The following C2orf92 variants were observed in gnomAD, a reference collection of about 807,000 sequenced individuals.
C2orf92 encodes uncharacterized protein C2orf92.
At chr2:97,666,952 C>G (rs1021076866), upstream of C2orf92, 1 of 152,238 alleles carries the variant, frequency 6.6e-6, no homozygotes, top group Admixed American at 6.6e-5. Flanking sequence ...AGCTCCTACC[C>G]CTTGGTCTCT....
intron 3 of C2orf92, among the ~76,000 whole-genome samples, chr2:97,683,115 A>ACACACACACACACAC (rs1185190319): frequency 1.4e-5 from 1 of 70,918 alleles, no homozygotes; most frequent in Non-Finnish European, 3.3e-5. Context: ...CACACACACA[A>ACACACACACACACAC]ACATATTAAA....
At chr2:97,682,680 A>G (rs1012315404) in intron 3 of C2orf92, among the ~76,000 whole-genome samples, 2 of 152,164 alleles carry the variant, frequency 1.3e-5, no homozygotes, top group Non-Finnish European at 2.9e-5. Context: ...TCACTGTAAT[A>G]TACCACATTA....
intron 7 of C2orf92, among the ~76,000 whole-genome samples, 190 bp downstream of exon 7, chr2:97,701,494 G>C (rs939806623): frequency 4.5e-4 from 68 of 152,180 alleles, no homozygotes; most frequent in African/African-American, 1.6e-3. Flanking sequence ...GCACAGCCTG[G>C]GTGATTCTGA....
At chr2:97,666,552 A>T (rs1216884643), upstream of C2orf92, among the ~76,000 whole-genome samples, 9 of 128,286 alleles carry the variant, frequency 7.0e-5, no homozygotes, top group Non-Finnish European at 1.3e-4. Context: ...AAAAAAAAAG[A>T]TGGGGTTGAG....
At chr2:97,701,133 G>A in intron 6 of C2orf92, 21 bp from the exon 7 acceptor site, 1 of 398,820 alleles carries the variant, frequency 2.5e-6, no homozygotes, top group Non-Finnish European at 4.4e-6. Context: ...TGTTCACTCT[G>A]CGCTGTGTCT....
intron 2 of C2orf92, among the ~76,000 whole-genome samples, chr2:97,674,798 G>A (rs942950162): frequency 6.6e-6 from 1 of 152,198 alleles, no homozygotes; most frequent in South Asian, 2.1e-4. Context: ...CTGACGTGCA[G>A]TGTCAGGCAT....
intron 7 of C2orf92, chr2:97,702,110 C>T (rs1388302930): frequency 1.3e-5 from 2 of 152,376 alleles, no homozygotes; most frequent in Non-Finnish European, 2.9e-5. Flanking sequence ...CACAGCCCTT[C>T]AGTCCTGCCT....
At chr2:97,676,473 C>T (rs1230541344) in intron 3 of C2orf92, among the ~76,000 whole-genome samples, 2 of 147,492 alleles carry the variant, frequency 1.4e-5, no homozygotes, top group Non-Finnish European at 3.0e-5. Flanking sequence ...AAAAGACACC[C>T]CTTGGCCGGG....
chr2:97,697,894 A>ATT (rs879694590), intron 5 of C2orf92: 6 of 146,744 alleles, frequency 4.1e-5, no homozygotes, highest in Non-Finnish European at 7.5e-5. Context: ...TGCCTGGCTA[A>ATT]TTTTTTTTTT....
chr2:97,690,772 G>A (rs1220575986), intron 5 of C2orf92, among the ~76,000 whole-genome samples: 1 of 121,006 alleles, frequency 8.3e-6, no homozygotes, highest in South Asian at 2.8e-4. Flanking sequence ...GAGAGTACTT[G>A]TTTTTTTTTT....
upstream of C2orf92, chr2:97,664,031 C>T: frequency 2.6e-6 from 1 of 382,392 alleles, no homozygotes; most frequent in Non-Finnish European, 4.3e-6. Flanking sequence ...TACGCGAGCC[C>T]CGCGGGGCTT....
upstream of C2orf92, chr2:97,669,685 C>T (rs1330882747): frequency 7.6e-6 from 3 of 396,852 alleles, no homozygotes; most frequent in African/African-American, 6.2e-5. Context: ...TGTATGACTT[C>T]ATAGACCGTT....
chr2:97,671,295 C>A, intron 1 of C2orf92: 1 of 381,224 alleles, frequency 2.6e-6, no homozygotes, highest in Non-Finnish European at 4.6e-6. Context: ...AGGTGCACAC[C>A]ACCACGCCCA....
rs1473789993 is a variant in C2orf92 at position 97,702,859 on chromosome 2, A to G, written c.*58A>G. 1.0e-5 allele frequency: 4 copies of G among 398,582 alleles called. No individual in the cohort carries two copies. The highest frequency in any genetic ancestry group is 8.8e-5 in the Admixed American group (2 of 22,710). The allele number at this position is 398,582 out of a possible 1,614,324, so 24.7% of individuals were successfully genotyped here. A position where few individuals can be genotyped will look rare whatever the true frequency, so the allele number is the denominator to read the frequency against. Reference sequence around the variant, plus strand: ...AAACCACAATGCGAGGACATTCTCCATCTGCGCACCACAGGGAGGCAATTC... The same window carrying G: ...AAACCACAATGCGAGGACATTCTCCGTCTGCGCACCACAGGGAGGCAATTC... On this transcript the variant is annotated 3_prime_UTR_variant, in exon 8 of 8. Transcript: ENST00000627399.
chr2:97,676,867 G>A (rs1056502313), intron 3 of C2orf92, among the ~76,000 whole-genome samples: 1 of 152,170 alleles, frequency 6.6e-6, no homozygotes, highest in African/African-American at 2.4e-5. Context: ...AAGCCCTTCA[G>A]GTGATTCTAG....
intron 3 of C2orf92, among the ~76,000 whole-genome samples, chr2:97,682,425 C>G (rs1379233921): frequency 6.6e-6 from 1 of 152,158 alleles, no homozygotes; most frequent in Non-Finnish European, 1.5e-5. Context: ...TTCCAAGAAG[C>G]TGAAGAGGAA....
At chr2:97,671,640 G>A (rs778896594) in intron 1 of C2orf92, 80 of 395,064 alleles carry the variant, frequency 2.0e-4, no homozygotes, top group Non-Finnish European at 2.9e-4. Context: ...ATCTGTCTAC[G>A]TGTCACAGTC....
chr2:97,686,542 C>T (rs1313824934), intron 3 of C2orf92, among the ~76,000 whole-genome samples: 1 of 152,156 alleles, frequency 6.6e-6, no homozygotes, highest in Admixed American at 6.5e-5. Flanking sequence ...GCCTCAGCCT[C>T]CCGCGTAGCT....
chr2:97,670,161 C>G (rs1434393167), intron 1 of C2orf92: 1 of 203,444 alleles, frequency 4.9e-6, no homozygotes, highest in Non-Finnish European at 9.8e-6. Flanking sequence ...CTAACTAACC[C>G]TCCTGATTTT....
Sources: gnomAD v4.1 joint callset for allele counts (sites outside exome capture counted in the v4.1 genomes callset) on GRCh38, gnomAD v4.1.1 for gene constraint, MANE v1.5 for transcripts, NCBI Gene and HGNC (gene_info 2026-07-23, HGNC 2026-07-21) for gene names.